FBXO11: variants seen among roughly 807,000 people sequenced by gnomAD.
FBXO11 encodes the protein F-box only protein 11.
FBXO11 carries 13 observed loss-of-function variants against 117.0 expected under a neutral mutation model. The ratio of observed to expected loss-of-function variants is 0.11; its 90% CI spans 0.07 to 0.18. The LOEUF is 0.18. Ranked by LOEUF, FBXO11 falls within the 10% of genes least tolerant of loss-of-function variation. The pLI is 1.00. For synonymous variants in FBXO11, 490 were observed against 380.5 expected (o/e 1.29, Z -3.35); for missense variants, 767 against 1,164.4 (o/e 0.66, Z 4.97).
At chr2:47,896,720 T>C (rs111717798) in intron 1 of FBXO11, among the ~76,000 whole-genome samples, 2,084 of 152,306 alleles carry the variant, frequency 0.014, 36 homozygotes, top group African/African-American at 0.044. Context: ...AAAATGCAAA[T>C]GTCTTTCAGA....
At chr2:47,897,985 G>A (rs1677804075) in intron 1 of FBXO11, among the ~76,000 whole-genome samples, 1 of 152,116 alleles carries the variant, frequency 6.6e-6, no homozygotes, top group African/African-American at 2.4e-5. Flanking sequence ...ATTCCTTAAT[G>A]TTTTTTAAGG....
intron 1 of FBXO11, among the ~76,000 whole-genome samples, chr2:47,855,082 T>C (rs933667357): frequency 2.0e-5 from 3 of 152,162 alleles, no homozygotes; most frequent in African/African-American, 7.2e-5. Context: ...CTTTCTAGAA[T>C]TGTGAGATCA....
At chr2:47,890,341 C>A (rs1393599173) in intron 1 of FBXO11, among the ~76,000 whole-genome samples, 2 of 152,006 alleles carry the variant, frequency 1.3e-5, no homozygotes, top group South Asian at 4.1e-4. Context: ...CAATTATCAT[C>A]CTAAAGTTGC....
At chr2:47,896,335 T>C (rs370246614) in intron 1 of FBXO11, among the ~76,000 whole-genome samples, 1 of 120,496 alleles carries the variant, frequency 8.3e-6, no homozygotes, top group Admixed American at 7.5e-5. Context: ...CTTTTCTTTT[T>C]TTTTTTTTTG....
At chr2:47,903,427 G>C (rs1248755618) in intron 1 of FBXO11, among the ~76,000 whole-genome samples, 2 of 152,140 alleles carry the variant, frequency 1.3e-5, no homozygotes, top group Non-Finnish European at 2.9e-5. Flanking sequence ...AATATTGACA[G>C]TTTATAGACA....
intron 21 of FBXO11, chr2:47,808,791 G>A (rs1242394765): frequency 7.7e-6 from 2 of 260,786 alleles, no homozygotes; most frequent in Non-Finnish European, 1.4e-5. Context: ...AAATTTCTAG[G>A]AAAACATTAC....
At position 47,887,488 on chromosome 2, in the gene FBXO11, G is replaced by A. The variant is rs944399105; in HGVS notation, c.232+18001C>T. Among the ~76,000 whole-genome samples, 35 of 152,136 alleles carry A rather than the reference G, an allele frequency of 2.3e-4. 1 individual carries two copies. The highest frequency in any genetic ancestry group is 8.4e-4 in the African/African-American group (35 of 41,438). ...TATACCTGTAATCCCAGCACTTTGTGAGGCTGAGGTGGGAGGATCGCTTAA... is the reference window on the plus strand; with the variant it reads ...TATACCTGTAATCCCAGCACTTTGTAAGGCTGAGGTGGGAGGATCGCTTAA... On this transcript the variant is annotated intron_variant, in intron 1 of 22. Transcript: ENST00000403359.
chr2:47,810,277 A>T, intron 19 of FBXO11, 39 bp downstream of exon 19: 1 of 1,347,854 alleles, frequency 7.4e-7, no homozygotes, highest in South Asian at 1.3e-5. Flanking sequence ...ACTTTGCAGA[A>T]CTATATATAA....
intron 11 of FBXO11, among the ~76,000 whole-genome samples, chr2:47,830,533 T>G (rs1254609619): frequency 6.6e-6 from 1 of 152,162 alleles, no homozygotes; most frequent in Non-Finnish European, 1.5e-5. Context: ...AATGCAAATA[T>G]TTTAAACCTT....
chr2:47,861,155 CT>C (rs1341255976), intron 1 of FBXO11, among the ~76,000 whole-genome samples: 2 of 152,054 alleles, frequency 1.3e-5, no homozygotes, highest in African/African-American at 4.8e-5. Flanking sequence ...TGGCCTTCCC[CT>C]ATTTTTAAGT....
chr2:47,825,805 A>G (rs916609672), intron 11 of FBXO11, among the ~76,000 whole-genome samples: 1 of 151,928 alleles, frequency 6.6e-6, no homozygotes, highest in African/African-American at 2.4e-5. Context: ...TCAAACTTTC[A>G]GCCTCAAGCA....
At chr2:47,903,109 A>G (rs987572751) in intron 1 of FBXO11, among the ~76,000 whole-genome samples, 2 of 152,204 alleles carry the variant, frequency 1.3e-5, no homozygotes, top group Admixed American at 1.3e-4. Context: ...TCTGATCATT[A>G]TATGAATCGG....
At chr2:47,864,459 T>C (rs1267306273) in intron 1 of FBXO11, among the ~76,000 whole-genome samples, 1 of 152,072 alleles carries the variant, frequency 6.6e-6, no homozygotes, top group African/African-American at 2.4e-5. Context: ...TGGTGGTGCA[T>C]GCCTGTAATC....
At chr2:47,849,400 C>T (rs761046214) in intron 1 of FBXO11, among the ~76,000 whole-genome samples, 55 of 152,254 alleles carry the variant, frequency 3.6e-4, no homozygotes, top group Non-Finnish European at 6.9e-4. Context: ...AACACACATA[C>T]GTTCTTACAC....
intron 8 of FBXO11, 39 bp from the exon 9 acceptor site, chr2:47,832,919 G>A: frequency 6.2e-7 from 1 of 1,602,844 alleles, no homozygotes; most frequent in Non-Finnish European, 8.5e-7. Context: ...AACAATTACT[G>A]CCTTTATGAT....
intron 4 of FBXO11, among the ~76,000 whole-genome samples, chr2:47,836,528 C>T (rs1196786051): frequency 1.3e-5 from 2 of 152,054 alleles, no homozygotes; most frequent in African/African-American, 2.4e-5. Flanking sequence ...GTTACCCAGG[C>T]TGGTCTCGAA....
chr2:47,868,823 C>T (rs1005014326), intron 1 of FBXO11, among the ~76,000 whole-genome samples: 5 of 152,112 alleles, frequency 3.3e-5, no homozygotes, highest in Non-Finnish European at 4.4e-5. Flanking sequence ...CAGCCAGGTA[C>T]CTAGTGGCAG....
At chr2:47,864,681 G>C (rs1306585168) in intron 1 of FBXO11, among the ~76,000 whole-genome samples, 1 of 152,138 alleles carries the variant, frequency 6.6e-6, no homozygotes, top group Non-Finnish European at 1.5e-5. Flanking sequence ...ACAAACAATA[G>C]AGGCTCTGTC....
At chr2:47,869,192 T>C (rs917065803) in intron 1 of FBXO11, among the ~76,000 whole-genome samples, 1 of 152,202 alleles carries the variant, frequency 6.6e-6, no homozygotes, top group African/African-American at 2.4e-5. Context: ...TTATTACCCA[T>C]AGTAACTCAC....
Sources: gnomAD v4.1 joint callset for allele counts (sites outside exome capture counted in the v4.1 genomes callset) on GRCh38, gnomAD v4.1.1 for gene constraint, MANE v1.5 for transcripts, NCBI Gene and HGNC (gene_info 2026-07-23, HGNC 2026-07-21) for gene names.